Variants in TMEM164 observed in about 807,000 individuals in gnomAD.
The protein encoded by TMEM164 is transmembrane protein 164.
TMEM164 carries 4 observed loss-of-function variants against 18.8 expected under a neutral mutation model. That is an observed-to-expected ratio of 0.21 (90% CI 0.10 to 0.49). The LOEUF is 0.49. Ranked by LOEUF, TMEM164 falls within the 20% of genes least tolerant of loss-of-function variation. The pLI, the probability that TMEM164 is intolerant of heterozygous loss-of-function variation, is 0.98. For missense variants in TMEM164, 108 were observed against 239.9 expected (o/e 0.45, Z 3.63); for synonymous variants, 86 against 101.7 (o/e 0.85, Z 0.93).
rs188110294 is a variant in TMEM164 at position 110,134,051 on chromosome X, C to T, written c.508-10747C>T. Among the ~76,000 whole-genome samples the T allele has an allele frequency of 2.0e-3, 224 of 112,183 alleles. 1 individual carries two copies. Among genetic ancestry groups the T allele is most frequent in the Middle Eastern group, 0.018 (4 of 219 alleles). On this transcript the variant is annotated intron_variant, in intron 4 of 6. Transcript: ENST00000372068. ...GTTTTCCTGAAAGAGGCAGGCAGAT[C>T]TGGTTTTTCAAACCAGGAAATACAC...
chrX:110,149,740 A>G (rs980173399), intron 5 of TMEM164, among the ~76,000 whole-genome samples: 13 of 111,783 alleles, frequency 1.2e-4, no homozygotes, highest in African/African-American at 4.2e-4. Context: ...AGTTTACTCA[A>G]CTTCTCTACC....
chrX:110,024,433 G>T (rs965218881), intron 2 of TMEM164, among the ~76,000 whole-genome samples: 1 of 111,235 alleles, frequency 9.0e-6, no homozygotes, highest in African/African-American at 3.3e-5. Flanking sequence ...ACAGGCACAT[G>T]CCATCGCACC....
At chrX:110,058,780 G>A (rs1411198329) in intron 2 of TMEM164, among the ~76,000 whole-genome samples, 3 of 105,292 alleles carry the variant, frequency 2.8e-5, no homozygotes, top group Non-Finnish European at 3.9e-5. Flanking sequence ...GTGCCACAAC[G>A]CCTGGCTAAT....
intron 1 of TMEM164, 47 bp from the exon 2 acceptor site, chrX:110,003,454 G>T: frequency 4.8e-6 from 1 of 209,120 alleles, no homozygotes; most frequent in Non-Finnish European, 8.4e-6. Context: ...CGGTGCAATT[G>T]CCTCTTTGAG....
At chrX:110,154,448 C>T (rs1182906904) in intron 5 of TMEM164, among the ~76,000 whole-genome samples, 2 of 110,944 alleles carry the variant, frequency 1.8e-5, no homozygotes, top group Non-Finnish European at 3.8e-5. Context: ...GAGACAGATA[C>T]TCACTGTGTC....
At position 110,017,045 on chromosome X, in the gene TMEM164, A is replaced by G. The variant is rs991459612; in HGVS notation, c.390+12881A>G. On this transcript the variant is annotated intron_variant, in intron 2 of 6. Coordinates refer to ENST00000372068, the MANE Select transcript of TMEM164 (RefSeq NM_032227.4). ...CTGGATGTTCTAGCTGTACTTTCTCAGGTTGTTAAAATGGCAGAGTGATAC... is the reference window on the plus strand; with the variant it reads ...CTGGATGTTCTAGCTGTACTTTCTCGGGTTGTTAAAATGGCAGAGTGATAC... Among the ~76,000 whole-genome samples, 3 of 112,046 alleles carry G rather than the reference A, an allele frequency of 2.7e-5. No individual in the cohort carries two copies. In the Admixed American group the frequency reaches 2.8e-4, roughly 11 times the overall value.
chrX:110,073,844 C>T (rs569081819), intron 3 of TMEM164, among the ~76,000 whole-genome samples: 5 of 110,786 alleles, frequency 4.5e-5, no homozygotes, highest in African/African-American at 1.6e-4. Flanking sequence ...TAATAATAGC[C>T]GTTCTGATTG....
chrX:110,096,403 A>G (rs1167665639), intron 3 of TMEM164, among the ~76,000 whole-genome samples: 6 of 112,621 alleles, frequency 5.3e-5, no homozygotes, highest in African/African-American at 1.9e-4. Flanking sequence ...CCCCTTCCCC[A>G]GCCTTGCTGC....
downstream of TMEM164, chrX:110,177,890 T>C (rs990609870): frequency 3.6e-5 from 4 of 112,428 alleles, no homozygotes; most frequent in Non-Finnish European, 7.5e-5. Flanking sequence ...TGGAAGACCC[T>C]CAAAGGACAG....
intron 5 of TMEM164, among the ~76,000 whole-genome samples, chrX:110,154,116 A>G (rs1393046704): frequency 1.8e-5 from 2 of 111,971 alleles, no homozygotes; most frequent in South Asian, 3.7e-4. Flanking sequence ...CCACAGTTAC[A>G]TTAGCAGCAC....
At chrX:110,075,277 A>G (rs2065654454) in intron 3 of TMEM164, among the ~76,000 whole-genome samples, 2 of 111,801 alleles carry the variant, frequency 1.8e-5, no homozygotes, top group African/African-American at 6.5e-5. Flanking sequence ...ATTGGTGTAT[A>G]GAAATGCTAC....
At position 110,176,745 on chromosome X, in the gene TMEM164, A is replaced by G. The variant is rs1358094762; in HGVS notation, c.*3294A>G. Reference sequence around the variant, plus strand: ...AGCTAGGTGGCTCAGGGAGTGGCAGAAGGGCCATTTTTCCCTCTGCCAAAA... The same window carrying G: ...AGCTAGGTGGCTCAGGGAGTGGCAGGAGGGCCATTTTTCCCTCTGCCAAAA... On this transcript the variant is annotated 3_prime_UTR_variant, in exon 7 of 7. Transcript: ENST00000372068. 1 of 111,478 alleles carries G rather than the reference A, an allele frequency of 9.0e-6. No individual in the cohort carries two copies. The highest frequency in any genetic ancestry group is 2.8e-4 in the East Asian group (1 of 3,542). 9.2% of individuals were successfully genotyped at this position (111,478 alleles called of 1,213,427 possible).
chrX:110,124,592 G>A lies in TMEM164; in HGVS notation c.507+15446G>A, dbSNP rs190213634. 4.7e-4 allele frequency among the ~76,000 whole-genome samples: 53 copies of A among 111,706 alleles called. 1 individual carries two copies. The highest frequency in any genetic ancestry group is 4.6e-3 in the Middle Eastern group (1 of 216). ...TTGGTGGTAGGATCCGGCCAGAGGA[G>A]CTAACGCAGGAAAGGAGTTTGGGGT... On this transcript the variant is annotated intron_variant, in intron 4 of 6. Transcript: ENST00000372068.
intron 3 of TMEM164, among the ~76,000 whole-genome samples, chrX:110,089,684 CAT>C (rs1238675239): frequency 2.7e-5 from 3 of 111,913 alleles, no homozygotes; most frequent in African/African-American, 9.7e-5. Flanking sequence ...ATCGGGTAGA[CAT>C]GTTTTGAAGG....
intron 4 of TMEM164, among the ~76,000 whole-genome samples, chrX:110,115,791 G>A (rs1333394088): frequency 7.1e-5 from 8 of 111,932 alleles, no homozygotes; most frequent in Middle Eastern, 4.6e-3. Flanking sequence ...TTGAAAACAT[G>A]AAAAAGGAAA....
chrX:110,164,788 G>A (rs1055389333), intron 5 of TMEM164, among the ~76,000 whole-genome samples: 1 of 111,322 alleles, frequency 9.0e-6, no homozygotes, highest in Non-Finnish European at 1.9e-5. Flanking sequence ...AGGGCCACTC[G>A]TCTAGGACTA....
intron 3 of TMEM164, among the ~76,000 whole-genome samples, chrX:110,086,926 G>C (rs910635108): frequency 9.0e-6 from 1 of 111,002 alleles, no homozygotes; most frequent in African/African-American, 3.3e-5. Context: ...TCATCCTAGT[G>C]ATGTCATCTT....
At chrX:110,121,606 G>A (rs1426863008) in intron 4 of TMEM164, among the ~76,000 whole-genome samples, 1 of 112,114 alleles carries the variant, frequency 8.9e-6, no homozygotes, top group African/African-American at 3.2e-5. Context: ...GTCGGTTAGT[G>A]TACATTTGGG....
At chrX:110,054,861 T>C (rs1042333360) in intron 2 of TMEM164, among the ~76,000 whole-genome samples, 1 of 112,161 alleles carries the variant, frequency 8.9e-6, no homozygotes, top group Non-Finnish European at 1.9e-5. Context: ...AGTCGATTGA[T>C]GATGAGAGAG....
Sources: allele counts gnomAD v4.1 joint callset (sites outside exome capture counted in the v4.1 genomes callset), GRCh38; gene constraint gnomAD v4.1.1; transcripts MANE v1.5; gene names NCBI Gene and HGNC (gene_info 2026-07-23, HGNC 2026-07-21).